Variants in CDCP1 observed in about 807,000 individuals in gnomAD.
CDCP1 encodes CUB domain containing protein 1, also known as CUB domain-containing protein 1.
In CDCP1, 29 loss-of-function variants were observed where a neutral mutation model predicts 60.2. That is an observed-to-expected ratio of 0.48 (90% CI 0.36 to 0.66). CDCP1 has a LOEUF of 0.66. Among genes scored for constraint, CDCP1 ranks in the 30% least tolerant of loss-of-function variants. The pLI, the probability that CDCP1 is intolerant of heterozygous loss-of-function variation, is 0.00. For synonymous variants in CDCP1, 387 were observed against 431.1 expected (o/e 0.90, Z 1.27); for missense variants, 876 against 1,074.3 (o/e 0.82, Z 2.58).
At chr3:45,120,257 C>A (rs1272059183) in intron 1 of CDCP1, among the ~76,000 whole-genome samples, 1 of 145,736 alleles carries the variant, frequency 6.9e-6, no homozygotes. Flanking sequence ...TTTCTGTCAC[C>A]CTTTTCTTGT....
At position 45,091,204 on chromosome 3, in the gene CDCP1, G is replaced by T. The variant is rs1698288668; in HGVS notation, c.1962C>A (p.Leu654=). The T allele has an allele frequency of 6.2e-7, 1 of 1,613,816 alleles. No individual in the cohort carries two copies. Among genetic ancestry groups the T allele is most frequent in the East Asian group, 2.2e-5 (1 of 44,858 alleles). ...TCCTTGGGGTAAGTGTCACCGAGAA[G>T]AGCAGGTCTAGCTGCTTGCCGCTCG... ...SPTSGKQLDL[L]FSVTLTPRTV... The change falls in exon 7 of 9, where the codon CTC becomes CTA. Residue 654 remains leucine (L), a synonymous_variant. Coordinates refer to ENST00000296129, the MANE Select transcript of CDCP1 (RefSeq NM_022842.5). This position sits in a 1 kb window ranked among gnomAD's most constrained non-coding sequence, Gnocchi z 4.8.
At chr3:45,094,288 C>G (rs1698357990) in intron 5 of CDCP1, among the ~76,000 whole-genome samples, 1 of 151,794 alleles carries the variant, frequency 6.6e-6, no homozygotes, top group Non-Finnish European at 1.5e-5. Context: ...TGAAGTGGTG[C>G]GATCTCGGCT....
At chr3:45,116,651 C>A (rs192680228) in intron 2 of CDCP1, among the ~76,000 whole-genome samples, 15 of 152,302 alleles carry the variant, frequency 9.8e-5, no homozygotes, top group Admixed American at 9.8e-4. Flanking sequence ...AGTTTGCCAA[C>A]CTGTCTCTAG....
In CDCP1 at chr3:45,091,662, A is replaced by G. The variant is rs552520967; in HGVS notation, c.1628-124T>C. ...GCGCTGTCTAACCGAACTTTCTGCG[A>G]TGATGGAAATCTTCTAGATCTGCAC... On this transcript the variant is annotated intron_variant, in intron 6 of 8. Transcript: ENST00000296129. The surrounding 1 kb of genome is among the most constrained non-coding windows in gnomAD (Gnocchi z 4.8). 2 of 1,197,888 alleles carry G rather than the reference A, an allele frequency of 1.7e-6. No individual in the cohort carries two copies. Among genetic ancestry groups the G allele is most frequent in the South Asian group, 3.2e-5 (2 of 62,550 alleles). The allele number at this position is 1,197,888 out of a possible 1,614,324, so 74.2% of individuals were successfully genotyped here.
At chr3:45,108,276 C>T (rs1290160678) in intron 4 of CDCP1, among the ~76,000 whole-genome samples, 2 of 152,094 alleles carry the variant, frequency 1.3e-5, no homozygotes, top group Non-Finnish European at 2.9e-5. Context: ...GGCAGTCCAG[C>T]CCAACCTAAA....
chr3:45,138,230 A>G (rs1363482453), intron 1 of CDCP1, among the ~76,000 whole-genome samples: 2 of 152,264 alleles, frequency 1.3e-5, no homozygotes, highest in African/African-American at 4.8e-5. Context: ...AGTGTCTTTT[A>G]GAATAACTTC....
At chr3:45,100,547 T>C (rs914480772) in intron 4 of CDCP1, among the ~76,000 whole-genome samples, 1 of 152,222 alleles carries the variant, frequency 6.6e-6, no homozygotes, top group Non-Finnish European at 1.5e-5. Flanking sequence ...ACTGTTGGCT[T>C]AGGATTCTGC....
In CDCP1 at chr3:45,110,759, C is replaced by T. The variant is rs1215864782; in HGVS notation, c.738G>A (p.Glu246=). Residue 246 remains glutamate (E), a synonymous_variant, in exon 4 of 9, where the codon GAG becomes GAA. Coordinates refer to ENST00000296129, the MANE Select transcript of CDCP1 (RefSeq NM_022842.5). Reference sequence around the variant, plus strand: ...CAAACTGCCACGTCATGAGCTCATCCTCAGGGAAGCCTTCTGGGTAGTTGG... The same window carrying T: ...CAAACTGCCACGTCATGAGCTCATCTTCAGGGAAGCCTTCTGGGTAGTTGG... ...MSANYPEGFP[E]DELMTWQFVV... The T allele has an allele frequency of 1.2e-6, 2 of 1,614,080 alleles. No homozygotes were observed. Among genetic ancestry groups the T allele is most frequent in the African/African-American group, 2.7e-5 (2 of 74,908 alleles).
At chr3:45,133,303 T>C (rs1422832585) in intron 1 of CDCP1, among the ~76,000 whole-genome samples, 1 of 151,832 alleles carries the variant, frequency 6.6e-6, no homozygotes, top group Admixed American at 6.6e-5. Context: ...TTTGAGACCT[T>C]GTGCAGAGAA....
chr3:45,134,082 G>C (rs925295717), intron 1 of CDCP1, among the ~76,000 whole-genome samples: 4 of 152,086 alleles, frequency 2.6e-5, no homozygotes, highest in African/African-American at 9.7e-5. Context: ...GACCATTTGG[G>C]ATGTCAGCTT....
chr3:45,125,836 C>T (rs756469747), intron 1 of CDCP1, among the ~76,000 whole-genome samples: 24 of 152,352 alleles, frequency 1.6e-4, no homozygotes, highest in South Asian at 4.1e-4. Context: ...CCTCACCTAG[C>T]CATGGCCCTG....
At chr3:45,124,598 T>C (rs577531863) in intron 1 of CDCP1, among the ~76,000 whole-genome samples, 17 of 152,286 alleles carry the variant, frequency 1.1e-4, no homozygotes, top group African/African-American at 4.1e-4. Flanking sequence ...ATGGCCAAAA[T>C]AGCCCTGTCC....
chr3:45,112,548 C>G (rs1698716741), intron 2 of CDCP1, 103 bp from the exon 3 acceptor site: 2 of 1,494,670 alleles, frequency 1.3e-6, no homozygotes, highest in East Asian at 2.3e-5. Context: ...TTTGGGGCTC[C>G]CCCAAGGTGG....
At chr3:45,140,836 C>G (rs1469288918) in intron 1 of CDCP1, among the ~76,000 whole-genome samples, 2 of 152,228 alleles carry the variant, frequency 1.3e-5, no homozygotes, top group African/African-American at 4.8e-5. Flanking sequence ...ACATCTCCAA[C>G]CTCAACACAT....
intron 1 of CDCP1, among the ~76,000 whole-genome samples, chr3:45,135,665 T>C (rs1699179737): frequency 6.6e-6 from 1 of 152,148 alleles, no homozygotes; most frequent in Admixed American, 6.5e-5. Context: ...TATTGGTAAT[T>C]AATAACAGAG....
intron 4 of CDCP1, among the ~76,000 whole-genome samples, chr3:45,102,665 G>GA (rs1259477442): frequency 2.0e-5 from 3 of 149,150 alleles, no homozygotes; most frequent in Non-Finnish European, 3.0e-5. Context: ...AAAAGAAAAA[G>GA]AAAAATTATT....
intron 1 of CDCP1, among the ~76,000 whole-genome samples, chr3:45,140,531 C>T (rs545442506): frequency 3.0e-4 from 46 of 152,290 alleles, no homozygotes; most frequent in African/African-American, 1.0e-3. Context: ...GTCCTATGAC[C>T]GAGCTGGGTT....
At chr3:45,123,123 C>T (rs901981674) in intron 1 of CDCP1, among the ~76,000 whole-genome samples, 3 of 151,960 alleles carry the variant, frequency 2.0e-5, no homozygotes, top group Non-Finnish European at 4.4e-5. Flanking sequence ...TCATGAATTA[C>T]TAATGCTACT....
At chr3:45,112,637 G>A (rs755398147) in intron 2 of CDCP1, among the ~76,000 whole-genome samples, 192 bp from the exon 3 acceptor site, 17 of 152,230 alleles carry the variant, frequency 1.1e-4, no homozygotes, top group Non-Finnish European at 2.1e-4. Flanking sequence ...ACCCTCCTTC[G>A]GGGAAGTGCC....
Sources: gnomAD v4.1 joint callset for allele counts (sites outside exome capture counted in the v4.1 genomes callset) on GRCh38, gnomAD v4.1.1 for gene constraint, Gnocchi (gnomAD v3.1) non-coding constraint, MANE v1.5 for transcripts, NCBI Gene and HGNC (gene_info 2026-07-23, HGNC 2026-07-21) for gene names.